The following COL5A1 variants were observed in gnomAD, a reference collection of about 807,000 sequenced individuals.
COL5A1 encodes collagen type V alpha 1 chain.
Under a neutral mutation model 263.7 loss-of-function variants are expected in COL5A1, and 16 were observed. The ratio of observed to expected loss-of-function variants is 0.06; its 90% CI spans 0.04 to 0.09. The LOEUF (loss-of-function observed/expected upper bound fraction) is 0.09, where lower values mean the gene tolerates loss of function less well. COL5A1 is among the 10% of genes least tolerant of loss of function. The probability of loss-of-function intolerance (pLI) is 1.00; values close to 1 mark genes in which losing one functional copy is unlikely to be tolerated. For missense variants in COL5A1, 2,036 were observed against 2,540.5 expected (o/e 0.80, Z 4.27); for synonymous variants, 1,012 against 1,004.5 (o/e 1.01, Z -0.14).
chr9:134,778,867 G>A (rs1040207138), intron 27 of COL5A1, among the ~76,000 whole-genome samples: 3 of 152,246 alleles, frequency 2.0e-5, no homozygotes, highest in Admixed American at 2.0e-4. Flanking sequence ...TGCGTGGCTG[G>A]AAGTGCCTTG....
At chr9:134,737,887 G>A (rs1271704212) in intron 9 of COL5A1, among the ~76,000 whole-genome samples, 1 of 152,192 alleles carries the variant, frequency 6.6e-6, no homozygotes, top group African/African-American at 2.4e-5. Context: ...GAGTGGGCAG[G>A]TGGACATGGC....
At chr9:134,777,530 G>A (rs777176518) in intron 27 of COL5A1, among the ~76,000 whole-genome samples, 91 of 152,206 alleles carry the variant, frequency 6.0e-4, no homozygotes, top group Non-Finnish European at 9.9e-4. Context: ...TTCCTCCTAC[G>A]GGGATCCTGA....
At position 134,814,829 on chromosome 9, in the gene COL5A1, G is replaced by T. The variant is rs886063676; in HGVS notation, c.3939G>T (p.Glu1313Asp). 1.6e-5 allele frequency: 25 copies of T among 1,552,010 alleles called. No individual in the cohort carries two copies. Among genetic ancestry groups the T allele is most frequent in the Admixed American group, 1.2e-4 (6 of 51,132 alleles). The change falls in exon 50 of 66, where the codon GAG becomes GAT. Residue 1313 changes from glutamate (E) to aspartate (D), a missense_variant. Physicochemically the swap from Glu to Asp is conservative, Grantham distance 45. Around this residue, in one of 3 missense-constraint regions of COL5A1, gnomAD observed 1,078 missense variants for 1,521.4 expected, o/e 0.71. Transcript: ENST00000371817. ...AAGGAGAAAGGGGAGAGAAGGGCGA[G>T]TCAGGCCCTTCAGGTGCTGCCGGAC... ...GPKGERGEKG[E>D]SGPSGAAGPP...
In COL5A1 at chr9:134,842,070, A is replaced by T; in HGVS notation, c.5371-87A>T. The T allele has an allele frequency of 1.3e-6, 2 of 1,530,760 alleles. No individual in the cohort carries two copies. 94.8% of individuals were successfully genotyped at this position (1,530,760 alleles called of 1,614,324 possible). On this transcript the variant is annotated intron_variant, in intron 65 of 65. Transcript: ENST00000371817. The surrounding 1 kb of genome is among the most constrained non-coding windows in gnomAD (Gnocchi z 5.8). Reference sequence around the variant, plus strand: ...GACAGGACACCAGCCTGGGTTTTGGAGCCAGACAGATTGTGGGGGGTGATT... The same window carrying T: ...GACAGGACACCAGCCTGGGTTTTGGTGCCAGACAGATTGTGGGGGGTGATT...
At chr9:134,654,892 G>A (rs1270182992) in intron 1 of COL5A1, among the ~76,000 whole-genome samples, 15 of 128,058 alleles carry the variant, frequency 1.2e-4, no homozygotes, top group East Asian at 2.5e-4. Context: ...GTGTAGGGCT[G>A]GGGGTGTGTA....
intron 1 of COL5A1, among the ~76,000 whole-genome samples, chr9:134,671,835 A>C (rs1470521754): frequency 6.6e-6 from 1 of 152,234 alleles, no homozygotes; most frequent in Non-Finnish European, 1.5e-5. Flanking sequence ...TGAAACCGTA[A>C]AGGCAAGTGC....
chr9:134,643,961 G>A (rs1402756868), intron 1 of COL5A1, among the ~76,000 whole-genome samples: 1 of 152,118 alleles, frequency 6.6e-6, no homozygotes, highest in Non-Finnish European at 1.5e-5. Context: ...TCCCTCTCTG[G>A]TTGCCCTCGC....
At position 134,842,611 on chromosome 9, in the gene COL5A1, G is replaced by A. The variant is rs982527198; in HGVS notation, c.*308G>A. On this transcript the variant is annotated 3_prime_UTR_variant, in exon 66 of 66. Transcript: ENST00000371817. The surrounding 1 kb of genome is among the most constrained non-coding windows in gnomAD (Gnocchi z 5.8). ...GGCCATGCCTCCAGCCCCCCAGCTC[G>A]CCCGACCCATCCTGTTCGTGAATAG... 2.3e-5 allele frequency: 12 copies of A among 523,140 alleles called. No individual in the cohort carries two copies. The highest frequency in any genetic ancestry group is 5.2e-4 in the Middle Eastern group (1 of 1,920). The allele number at this position is 523,140 out of a possible 1,614,324, so 32.4% of individuals were successfully genotyped here. A position where few individuals can be genotyped will look rare whatever the true frequency, so the allele number is the denominator to read the frequency against.
rs13297647 is a variant in COL5A1, at chr9:134,810,219, A to C, written c.3475-36A>C. On this transcript the variant is annotated intron_variant, in intron 43 of 65. Transcript: ENST00000371817. ...AACAGAAAAGGTCCAAACGGTTGTC[A>C]AGCTTTCTAACCGAATCCCCCACAC... 77,798 of 1,612,244 alleles carry C rather than the reference A, an allele frequency of 0.048. 2,061 individuals are homozygous for C. The highest frequency in any genetic ancestry group is 0.056 in the Non-Finnish European group (65,479 of 1,178,264).
At chr9:134,791,047 G>A (rs187370198) in intron 32 of COL5A1, among the ~76,000 whole-genome samples, 19 of 152,264 alleles carry the variant, frequency 1.2e-4, no homozygotes, top group Admixed American at 9.8e-4. Context: ...CCTCCCCACC[G>A]GCGAGCCGAG....
intron 51 of COL5A1, 98 bp downstream of exon 51, chr9:134,815,727 A>T (rs1838720862): frequency 1.4e-6 from 2 of 1,407,808 alleles, no homozygotes; most frequent in Non-Finnish European, 2.0e-6. Flanking sequence ...TTTGTGATGA[A>T]CTCCCACTGG....
At position 134,768,426 on chromosome 9, in the gene COL5A1, C is replaced by T; in HGVS notation, c.2249C>T (p.Pro750Leu). The T allele has an allele frequency of 6.2e-7, 1 of 1,614,112 alleles. No individual in the cohort carries two copies. Among genetic ancestry groups the T allele is most frequent in the East Asian group, 2.2e-5 (1 of 44,862 alleles). The change falls in exon 25 of 66, where the codon CCA (proline) becomes CTA (leucine). Residue 750 changes from proline to leucine, a missense_variant. Coordinates refer to ENST00000371817, the MANE Select transcript of COL5A1 (RefSeq NM_000093.5). Reference protein sequence around the residue: ...PPGEKGPLGKPGLPGMPGADG... With the variant: ...PPGEKGPLGKLGLPGMPGADG... ...TTGTTCTAGGGTCCCTTGGGGAAAC[C>T]AGGCCTTCCAGGAATGCCCGGTGCT...
In COL5A1 at chr9:134,728,488, G is replaced by C. The variant is rs559409947; in HGVS notation, c.787-182G>C. 7.2e-5 allele frequency among the ~76,000 whole-genome samples: 11 copies of C among 152,352 alleles called. No homozygotes were observed. In the East Asian group the frequency reaches 2.1e-3, roughly 29 times the overall value. Reference sequence around the variant, plus strand: ...TCTCTCTTGTGCTTCTGATGAGGCTGCGTCAGCTTTCCAAGGAGCTGGAGA... The same window carrying C: ...TCTCTCTTGTGCTTCTGATGAGGCTCCGTCAGCTTTCCAAGGAGCTGGAGA... On this transcript the variant is annotated intron_variant, in intron 5 of 65. Transcript: ENST00000371817.
intron 4 of COL5A1, among the ~76,000 whole-genome samples, chr9:134,719,496 C>T (rs769669308): frequency 2.6e-5 from 4 of 152,222 alleles, no homozygotes; most frequent in South Asian, 2.1e-4. Context: ...GGCCTGCAAG[C>T]GGGCCATGGG....
chr9:134,741,097 A>G lies in COL5A1; in HGVS notation c.1494+2289A>G, dbSNP rs945113918. Among the ~76,000 whole-genome samples the G allele has an allele frequency of 6.6e-6, 1 of 152,108 alleles. No homozygotes were observed. Among genetic ancestry groups the G allele is most frequent in the Non-Finnish European group, 1.5e-5 (1 of 68,022 alleles). On this transcript the variant is annotated intron_variant, in intron 11 of 65. Coordinates refer to ENST00000371817, the MANE Select transcript of COL5A1 (RefSeq NM_000093.5). This position sits in a 1 kb window ranked among gnomAD's most constrained non-coding sequence, Gnocchi z 4.5. Reference sequence around the variant, plus strand: ...CTGCTCACCGCTCAGCGCCCTCTTGATGTCCAGATCTTGCTCGATGCCCGC... The same window carrying G: ...CTGCTCACCGCTCAGCGCCCTCTTGGTGTCCAGATCTTGCTCGATGCCCGC...
rs753819055 is a variant in COL5A1, at chr9:134,789,120, C to T, written c.2647-35C>T. ...CATGCAGCATGACTCATTCCTGGCCCAGCTCTGATGCCTCCTCCTTAAACT... is the reference window on the plus strand; with the variant it reads ...CATGCAGCATGACTCATTCCTGGCCTAGCTCTGATGCCTCCTCCTTAAACT... On this transcript the variant is annotated intron_variant, in intron 31 of 65. Coordinates refer to ENST00000371817, the MANE Select transcript of COL5A1 (RefSeq NM_000093.5). The surrounding 1 kb of genome is among the most constrained non-coding windows in gnomAD (Gnocchi z 4.8). The T allele has an allele frequency of 1.2e-6, 2 of 1,604,396 alleles. No homozygotes were observed. Among genetic ancestry groups the T allele is most frequent in the East Asian group, 2.2e-5 (1 of 44,826 alleles).
intron 5 of COL5A1, 74 bp downstream of exon 5, chr9:134,727,471 G>C (rs1490870393): frequency 9.8e-6 from 15 of 1,529,388 alleles, no homozygotes; most frequent in Non-Finnish European, 1.3e-5. Context: ...AGACACATAA[G>C]CCATGGGACC....
rs863223449 is a variant in COL5A1, at chr9:134,806,291, G to T, written c.3361G>T (p.Ala1121Ser). ...CCCAGGGCCGGCAGGAGAGAAAGGGGCTCCTGTAAGTACTGCCTTGGATTG... is the reference window on the plus strand; with the variant it reads ...CCCAGGGCCGGCAGGAGAGAAAGGGTCTCCTGTAAGTACTGCCTTGGATTG... Reference protein sequence around the residue: ...GPPGPAGEKGAPGEKGPQGPA... With the variant: ...GPPGPAGEKGSPGEKGPQGPA... Residue 1121 changes from alanine (A) to serine (S), a missense_variant, in exon 42 of 66, where the codon GCT becomes TCT. By Grantham distance (99) the Ala-to-Ser change is moderately conservative. Transcript: ENST00000371817. The T allele has an allele frequency of 1.3e-6, 2 of 1,546,126 alleles. No individual in the cohort carries two copies. Among genetic ancestry groups the T allele is most frequent in the East Asian group, 4.9e-5 (2 of 40,884 alleles).
intron 9 of COL5A1, among the ~76,000 whole-genome samples, chr9:134,737,375 G>A (rs781723526): frequency 3.3e-5 from 5 of 152,242 alleles, no homozygotes; most frequent in African/African-American, 4.8e-5. Flanking sequence ...GTGTCGCAAC[G>A]TGGGGAGCAG....
Sources: allele counts gnomAD v4.1 joint callset (sites outside exome capture counted in the v4.1 genomes callset), GRCh38; gene constraint gnomAD v4.1.1; regional missense constraint gnomAD v4.1.1; non-coding constraint Gnocchi (gnomAD v3.1); transcripts MANE v1.5; gene names NCBI Gene and HGNC (gene_info 2026-07-23, HGNC 2026-07-21).